Variants in EML1 observed in about 807,000 individuals in gnomAD.
The protein encoded by EML1 is echinoderm microtubule-associated protein-like 1.
Under a neutral mutation model 110.4 loss-of-function variants are expected in EML1, and 27 were observed. The observed-to-expected ratio is 0.24, with a 90% confidence interval of 0.18 to 0.34. EML1 has a LOEUF of 0.34. Ranked by LOEUF, EML1 falls within the 10% of genes least tolerant of loss-of-function variation. EML1 has a pLI of 1.00. For synonymous variants in EML1, 344 were observed against 385.8 expected (o/e 0.89, Z 1.27); for missense variants, 741 against 1,030.9 (o/e 0.72, Z 3.85).
rs182486651 is a variant in EML1 at position 99,851,041 on chromosome 14, C to T, written c.250+6C>T. On this transcript the variant is annotated splice_donor_region_variant and intron_variant, in intron 2 of 21. Coordinates refer to ENST00000262233, the MANE Select transcript of EML1 (RefSeq NM_004434.3). ...CAGGAAAGGACCTACCAAAGGTGGG[C>T]GTTTGAGTGACACAGGAACTTCAGT... The T allele has an allele frequency of 1.9e-4, 301 of 1,604,804 alleles. 1 individual carries two copies. Among genetic ancestry groups the T allele is most frequent in the Admixed American group, 1.8e-3 (105 of 59,740 alleles).
At chr14:99,739,070 G>GTGTGTGTGTGTA (rs1477857555) in intron 1 of EML1, among the ~76,000 whole-genome samples, 76 of 121,516 alleles carry the variant, frequency 6.3e-4, no homozygotes, top group African/African-American at 2.9e-3. Flanking sequence ...GTGAGAGTGT[G>GTGTGTGTGTGTA]TGTGTGTGTG....
chr14:99,774,370 C>T (rs780032174), intron 1 of EML1, among the ~76,000 whole-genome samples: 16 of 152,184 alleles, frequency 1.1e-4, no homozygotes, highest in Non-Finnish European at 1.9e-4. Flanking sequence ...TGGCAGGGCC[C>T]AGAGTCACCT....
At chr14:99,808,575 T>C (rs1595313614) in intron 1 of EML1, among the ~76,000 whole-genome samples, 1 of 152,294 alleles carries the variant, frequency 6.6e-6, no homozygotes, top group Non-Finnish European at 1.5e-5. Flanking sequence ...TTATTTAATT[T>C]TGTTTATTTT....
chr14:99,749,394 T>C (rs534586420), intron 1 of EML1, among the ~76,000 whole-genome samples: 1 of 152,314 alleles, frequency 6.6e-6, no homozygotes, highest in South Asian at 2.1e-4. Flanking sequence ...TCATTTGCAT[T>C]TCCCTAGTGT....
At chr14:99,879,658 C>A (rs1183523800) in intron 4 of EML1, among the ~76,000 whole-genome samples, 1 of 152,198 alleles carries the variant, frequency 6.6e-6, no homozygotes, top group Non-Finnish European at 1.5e-5. Context: ...GGTCTATTAA[C>A]AATTTAAAAA....
chr14:99,748,770 C>T (rs1595233164), intron 1 of EML1, among the ~76,000 whole-genome samples: 1 of 152,206 alleles, frequency 6.6e-6, no homozygotes, highest in African/African-American at 2.4e-5. Flanking sequence ...ATTTAGAACA[C>T]TTCCGTCGTC....
chr14:99,801,066 G>A (rs1427901657), intron 1 of EML1, among the ~76,000 whole-genome samples: 2 of 152,256 alleles, frequency 1.3e-5, no homozygotes, highest in Non-Finnish European at 2.9e-5. Flanking sequence ...TCCAGGACTG[G>A]TGGTACCCTT....
Position 99,784,997 on chromosome 14 carries a change from C to T in EML1, c.-27+10984C>T, listed in dbSNP as rs2057583050. ...AAGAACTAGAGGAGCCATGAAGGAC[C>T]CTGAAAGCCAGTCTGCATGGTTAGG... On this transcript the variant is annotated intron_variant, in intron 1 of 22. Transcript: ENST00000327921. The surrounding 1 kb of genome is among the most constrained non-coding windows in gnomAD (Gnocchi z 4.5). Among the ~76,000 whole-genome samples, 1 of 152,146 alleles carries T rather than the reference C, an allele frequency of 6.6e-6. No homozygotes were observed. Among genetic ancestry groups the T allele is most frequent in the South Asian group, 2.1e-4 (1 of 4,822 alleles).
chr14:99,936,028 G>A lies in EML1; in HGVS notation c.1910-1G>A. Reference sequence around the variant, plus strand: ...AAATGTAATTTGTCATCTTTTTATAGATGGGAATTTCTTAGCCATAGGCTC... The same window carrying A: ...AAATGTAATTTGTCATCTTTTTATAAATGGGAATTTCTTAGCCATAGGCTC... On this transcript the variant is annotated splice_acceptor_variant, in intron 17 of 21. Coordinates refer to ENST00000262233, the MANE Select transcript of EML1 (RefSeq NM_004434.3). LOFTEE classifies it high-confidence loss of function. The surrounding 1 kb of genome is among the most constrained non-coding windows in gnomAD (Gnocchi z 5.5). The A allele has an allele frequency of 6.2e-7, 1 of 1,613,664 alleles. No individual in the cohort carries two copies. Among genetic ancestry groups the A allele is most frequent in the Non-Finnish European group, 8.5e-7 (1 of 1,179,692 alleles).
rs1382427026 is a variant in EML1 at position 99,905,075 on chromosome 14, T to G, written c.1009-2563T>G. Reference sequence around the variant, plus strand: ...GAGAGAGAAAGGCCAGAAGTCTGACTGGTAAGAAATTCTTACCATTTTGCT... The same window carrying G: ...GAGAGAGAAAGGCCAGAAGTCTGACGGGTAAGAAATTCTTACCATTTTGCT... On this transcript the variant is annotated intron_variant, in intron 9 of 21. Transcript: ENST00000262233. This position sits in a 1 kb window ranked among gnomAD's most constrained non-coding sequence, Gnocchi z 4.1. 3.9e-5 allele frequency among the ~76,000 whole-genome samples: 6 copies of G among 152,342 alleles called. No homozygotes were observed. The East Asian group carries it at 1.2e-3, about 29-fold the overall frequency.
chr14:99,819,620 G>A (rs751485456), intron 1 of EML1, among the ~76,000 whole-genome samples: 1 of 152,216 alleles, frequency 6.6e-6, no homozygotes, highest in East Asian at 1.9e-4. Context: ...CCTTGGCCCT[G>A]CGGTGACGGG....
At chr14:99,782,983 C>T (rs1595274614) in intron 1 of EML1, among the ~76,000 whole-genome samples, 2 of 143,518 alleles carry the variant, frequency 1.4e-5, no homozygotes, top group South Asian at 2.1e-4. Flanking sequence ...GACTCTAAAT[C>T]GTTTATATAT....
chr14:99,748,569 G>A (rs561813546), intron 1 of EML1, among the ~76,000 whole-genome samples: 2 of 152,186 alleles, frequency 1.3e-5, no homozygotes, highest in East Asian at 3.9e-4. Flanking sequence ...AGGAGTTCAA[G>A]ACCAGCCTGT....
intron 19 of EML1, among the ~76,000 whole-genome samples, 184 bp from the exon 20 acceptor site, chr14:99,937,633 C>T (rs986232734): frequency 5.3e-5 from 8 of 152,068 alleles, no homozygotes; most frequent in African/African-American, 1.2e-4. Context: ...CCCATGGGCT[C>T]GGGCTCAGTT....
chr14:99,781,175 T>C lies in EML1; in HGVS notation c.-27+7162T>C, dbSNP rs150304426. Among the ~76,000 whole-genome samples, 1,014 of 152,154 alleles carry C rather than the reference T, an allele frequency of 6.7e-3. 8 individuals carry two copies. The highest frequency in any genetic ancestry group is 0.011 in the Non-Finnish European group (726 of 68,008). ...TTCTCCTTGACTCGTCCCCAGCTTCTAATTCTTTCCTCTAATTCTTTCCTC... is the reference window on the plus strand; with the variant it reads ...TTCTCCTTGACTCGTCCCCAGCTTCCAATTCTTTCCTCTAATTCTTTCCTC... On this transcript the variant is annotated intron_variant, in intron 1 of 22. Coordinates refer to the EML1 transcript ENST00000327921. The surrounding 1 kb of genome is among the most constrained non-coding windows in gnomAD (Gnocchi z 4.2).
intron 1 of EML1, among the ~76,000 whole-genome samples, chr14:99,760,492 C>T (rs559936781): frequency 2.6e-5 from 4 of 152,282 alleles, no homozygotes; most frequent in African/African-American, 9.6e-5. Context: ...GTTGGGATTA[C>T]TGTGCAGGGT....
At chr14:99,918,799 A>G (rs2060077105) in intron 16 of EML1, among the ~76,000 whole-genome samples, 1 of 152,188 alleles carries the variant, frequency 6.6e-6, no homozygotes, top group Admixed American at 6.5e-5. Flanking sequence ...TAAGCCACAC[A>G]GCGAGACCCC....
chr14:99,861,825 T>C (rs1258927899), intron 2 of EML1, among the ~76,000 whole-genome samples: 2 of 152,178 alleles, frequency 1.3e-5, no homozygotes, highest in African/African-American at 2.4e-5. Context: ...AGGATAGTTT[T>C]AGATTTCTAG....
chr14:99,747,409 G>A (rs534171959), intron 1 of EML1, among the ~76,000 whole-genome samples: 1 of 152,108 alleles, frequency 6.6e-6, no homozygotes, highest in Admixed American at 6.5e-5. Context: ...GGGAATGGCA[G>A]CTGTCTGGCC....
Sources: gnomAD v4.1 joint callset for allele counts (sites outside exome capture counted in the v4.1 genomes callset) on GRCh38, gnomAD v4.1.1 for gene constraint, Gnocchi (gnomAD v3.1) non-coding constraint, MANE v1.5 for transcripts, NCBI Gene and HGNC (gene_info 2026-07-23, HGNC 2026-07-21) for gene names.